The following CORO2B variants were observed in gnomAD, a reference collection of about 807,000 sequenced individuals.
CORO2B encodes coronin-2B.
A neutral mutation model predicts 58.8 loss-of-function variants in CORO2B; 26 were observed. That is an observed-to-expected ratio of 0.44 (90% CI 0.32 to 0.61). CORO2B has a LOEUF of 0.61. Among genes scored for constraint, CORO2B ranks in the 20% least tolerant of loss-of-function variants. The pLI is 0.04. For synonymous variants in CORO2B, 242 were observed against 253.8 expected, an observed-to-expected ratio of 0.95 and a Z score of 0.44; for missense variants, 460 against 645.1, an observed-to-expected ratio of 0.71 and a Z score of 3.11.
At chr15:68,531,368 G>A in the CORO2B span, among the ~76,000 whole-genome samples, 1 of 148,930 alleles carries the variant, frequency 6.7e-6, no homozygotes, top group Admixed American at 6.7e-5. Context: ...GCGGTGATGT[G>A]TGCCTGTAAT....
At chr15:68,661,159 G>A (rs575095798) in intron 2 of CORO2B, among the ~76,000 whole-genome samples, 1 of 152,106 alleles carries the variant, frequency 6.6e-6, no homozygotes, top group Admixed American at 6.5e-5. Flanking sequence ...TGTATTTTTA[G>A]TAGAGACGGG....
intron 1 of CORO2B, among the ~76,000 whole-genome samples, chr15:68,582,084 T>C (rs1899440683): frequency 6.6e-6 from 1 of 152,154 alleles, no homozygotes; most frequent in Non-Finnish European, 1.5e-5. Context: ...GAGCCTGTTT[T>C]CCATTTTCCG....
chr15:68,571,550 G>A, the CORO2B span, among the ~76,000 whole-genome samples: 1 of 152,288 alleles, frequency 6.6e-6, no homozygotes, highest in South Asian at 2.1e-4. Context: ...AAACAAATAT[G>A]TTACTACCTC....
intron 1 of CORO2B, among the ~76,000 whole-genome samples, chr15:68,589,524 G>C (rs550236583): frequency 6.6e-6 from 1 of 152,210 alleles, no homozygotes; most frequent in Non-Finnish European, 1.5e-5. Context: ...CAGTAGAAAC[G>C]CCCATTTTGC....
At chr15:68,685,298 C>T (rs988567765) in intron 2 of CORO2B, among the ~76,000 whole-genome samples, 2 of 152,180 alleles carry the variant, frequency 1.3e-5, no homozygotes, top group South Asian at 2.1e-4. Context: ...TCAACCTCCT[C>T]CTCCTGGGTT....
At chr15:68,524,006 G>A in the CORO2B span, among the ~76,000 whole-genome samples, 2 of 152,134 alleles carry the variant, frequency 1.3e-5, no homozygotes, top group African/African-American at 2.4e-5. Context: ...TGGGAGGATT[G>A]CTTGAGCCCA....
chr15:68,720,877 A>G (rs965071552), intron 11 of CORO2B, among the ~76,000 whole-genome samples: 4 of 152,096 alleles, frequency 2.6e-5, no homozygotes, highest in Middle Eastern at 3.2e-3. Flanking sequence ...CTATACCACC[A>G]ACTTATGCTA....
intron 1 of CORO2B, chr15:68,616,744 A>AC: frequency 2.4e-6 from 1 of 411,444 alleles, no homozygotes; most frequent in South Asian, 1.0e-4. Context: ...TCTTGGGTGC[A>AC]CGTGGTCTCA....
chr15:68,599,878 G>A (rs945974893), intron 1 of CORO2B, among the ~76,000 whole-genome samples: 2 of 152,210 alleles, frequency 1.3e-5, no homozygotes, highest in Non-Finnish European at 2.9e-5. Flanking sequence ...CAGGCTCTGT[G>A]GGCCTGGGGT....
chr15:68,622,286 C>T (rs564996824), intron 1 of CORO2B, among the ~76,000 whole-genome samples: 3 of 152,128 alleles, frequency 2.0e-5, no homozygotes, highest in African/African-American at 7.2e-5. Flanking sequence ...TTGAGACTGC[C>T]CAGCTGGGTG....
upstream of CORO2B, among the ~76,000 whole-genome samples, chr15:68,574,047 CAACCTGAGG>C (rs1188854060): frequency 2.6e-5 from 4 of 152,132 alleles, no homozygotes; most frequent in African/African-American, 7.2e-5. Context: ...TGTTGGACTT[CAACCTGAGG>C]ACACCAGGGA....
intron 8 of CORO2B, among the ~76,000 whole-genome samples, chr15:68,717,312 A>C (rs1047668429): frequency 1.6e-5 from 2 of 127,988 alleles, no homozygotes; most frequent in African/African-American, 3.6e-5. Context: ...AGACTCTGTC[A>C]AAAAAAAAAA....
intron 2 of CORO2B, among the ~76,000 whole-genome samples, chr15:68,685,469 C>T (rs889270825): frequency 1.3e-5 from 2 of 152,222 alleles, no homozygotes; most frequent in African/African-American, 4.8e-5. Context: ...ACCTTGGCCT[C>T]CCAAAGTGCT....
At chr15:68,563,106 T>C in the CORO2B span, among the ~76,000 whole-genome samples, 2 of 151,488 alleles carry the variant, frequency 1.3e-5, no homozygotes, top group Non-Finnish European at 2.9e-5. Flanking sequence ...AGATCTCAAA[T>C]CAATTACCTC....
chr15:68,571,875 G>A, the CORO2B span, among the ~76,000 whole-genome samples: 2 of 152,232 alleles, frequency 1.3e-5, no homozygotes, highest in South Asian at 2.1e-4. Flanking sequence ...GCCCCAAGGA[G>A]GTGGTAAGGG....
chr15:68,545,095 G>A, the CORO2B span, among the ~76,000 whole-genome samples: 2 of 152,116 alleles, frequency 1.3e-5, no homozygotes, highest in East Asian at 1.9e-4. Context: ...TTCTTGCACG[G>A]GTGGGAATCG....
At chr15:68,617,641 T>C (rs1900397238) in intron 1 of CORO2B, among the ~76,000 whole-genome samples, 1 of 152,240 alleles carries the variant, frequency 6.6e-6, no homozygotes, top group Admixed American at 6.5e-5. Context: ...AGGTCTTTCC[T>C]TGCTGTGTTC....
the CORO2B span, among the ~76,000 whole-genome samples, chr15:68,547,191 G>A: frequency 1.1e-4 from 16 of 152,232 alleles, no homozygotes; most frequent in East Asian, 1.7e-3. Flanking sequence ...AGCAGCCAAT[G>A]CAAAGAGAGC....
chr15:68,693,040 C>T (rs187119781), intron 2 of CORO2B, among the ~76,000 whole-genome samples: 65 of 152,274 alleles, frequency 4.3e-4, no homozygotes, highest in East Asian at 1.5e-3. Flanking sequence ...CTGATATCAA[C>T]GCTCTCCAAA....
Sources: allele counts gnomAD v4.1 joint callset (sites outside exome capture counted in the v4.1 genomes callset), GRCh38; gene constraint gnomAD v4.1.1; transcripts MANE v1.5; gene names NCBI Gene and HGNC (gene_info 2026-07-23, HGNC 2026-07-21).